Variants in ARHGEF18 observed in about 807,000 individuals in gnomAD.
ARHGEF18 encodes the protein rho guanine nucleotide exchange factor 18.
ARHGEF18 carries 93 observed loss-of-function variants against 155.7 expected under a neutral mutation model. The ratio of observed to expected loss-of-function variants is 0.60; its 90% CI spans 0.50 to 0.71. The LOEUF (loss-of-function observed/expected upper bound fraction) is 0.71, where lower values mean the gene tolerates loss of function less well. ARHGEF18 is among the 30% of genes least tolerant of loss of function. The probability of loss-of-function intolerance (pLI) is 0.00; values close to 1 mark genes in which losing one functional copy is unlikely to be tolerated. For synonymous variants in ARHGEF18, 742 were observed against 753.1 expected, an observed-to-expected ratio of 0.99 and a Z score of 0.24; for missense variants, 1,593 against 1,816.1, an observed-to-expected ratio of 0.88 and a Z score of 2.23.
At chr19:7,349,692 G>C (rs1003514346) in intron 1 of ARHGEF18, among the ~76,000 whole-genome samples, 2 of 151,950 alleles carry the variant, frequency 1.3e-5, no homozygotes, top group Non-Finnish European at 2.9e-5. Flanking sequence ...GCAGGAGAAT[G>C]GCTTGAACCC....
At chr19:7,362,453 T>C (rs956845757) in intron 1 of ARHGEF18, among the ~76,000 whole-genome samples, 5 of 152,124 alleles carry the variant, frequency 3.3e-5, no homozygotes. Context: ...GCATAACAAA[T>C]TGATTTCATA....
chr19:7,378,833 C>T (rs1049337951), intron 6 of ARHGEF18, among the ~76,000 whole-genome samples: 10 of 151,950 alleles, frequency 6.6e-5, no homozygotes, highest in African/African-American at 2.2e-4. Flanking sequence ...ACTGGGACTA[C>T]AGGCGCCCGC....
At chr19:7,459,558 A>T (rs1976065387) in intron 19 of ARHGEF18, among the ~76,000 whole-genome samples, 1 of 152,082 alleles carries the variant, frequency 6.6e-6, no homozygotes, top group Non-Finnish European at 1.5e-5. Flanking sequence ...CTGGTGCCTT[A>T]ATCTGGTTCA....
At position 7,363,031 on chromosome 19, in the gene ARHGEF18, T is replaced by C. The variant is rs1969696500; in HGVS notation, c.15+126T>C. On this transcript the variant is annotated intron_variant, in intron 2 of 28. Coordinates refer to ENST00000668164, the MANE Select transcript of ARHGEF18 (RefSeq NM_001367823.1). ...TATCTCAGGGAATCCTCATCGAAAC[T>C]TGCAAAGTCATTTATTATCCTGTTT... The C allele has an allele frequency of 3.6e-6, 4 of 1,117,202 alleles. No individual in the cohort carries two copies. The South Asian group carries it at 1.4e-4, about 38-fold the overall frequency. 69.2% of individuals were successfully genotyped at this position (1,117,202 alleles called of 1,614,324 possible). A position where few individuals can be genotyped will look rare whatever the true frequency, so the allele number is the denominator to read the frequency against.
rs3997572 is a variant in ARHGEF18 at position 7,407,064 on chromosome 19, C to CAA, written c.967+23879_967+23880dup. The stretch of plus-strand genomic sequence containing the variant: ...TGGGCGACAAGGCAAGACTCCGTCT[C>CAA]AAAAAAAAAAAAAAAAAAAGGTTAT... On this transcript the variant is annotated intron_variant, in intron 10 of 28. Coordinates refer to ENST00000668164, the MANE Select transcript of ARHGEF18 (RefSeq NM_001367823.1). 6.9e-3 allele frequency among the ~76,000 whole-genome samples: 385 copies of CAA among 55,706 alleles called. 23 individuals are homozygous for CAA. The East Asian group carries it at 0.13, about 19-fold the overall frequency. The allele number at this position is 55,706 out of a possible 152,430, so 36.5% of individuals were successfully genotyped here.
chr19:7,366,576 C>G (rs1969894951), intron 2 of ARHGEF18, among the ~76,000 whole-genome samples: 1 of 152,138 alleles, frequency 6.6e-6, no homozygotes, highest in Admixed American at 6.6e-5. Context: ...ATCTGTTCCC[C>G]CTCAGATCTT....
At position 7,462,331 on chromosome 19, in the gene ARHGEF18, G is replaced by A. The variant is rs541017040; in HGVS notation, c.2632G>A (p.Glu878Lys). The A allele has an allele frequency of 2.6e-5, 41 of 1,587,556 alleles. No individual in the cohort carries two copies. Among genetic ancestry groups the A allele is most frequent in the South Asian group, 1.0e-4 (9 of 86,406 alleles). The change falls in exon 21 of 29, where the codon GAG becomes AAG. Residue 878 changes from glutamate (E) to lysine (K), a missense_variant. Glu to Lys is a moderately conservative substitution (Grantham distance 56, BLOSUM62 1). Transcript: ENST00000668164. This position sits in a 1 kb window ranked among gnomAD's most constrained non-coding sequence, Gnocchi z 4.4. The stretch of plus-strand genomic sequence containing the variant: ...GCTAATTCTCAAGTCGGCCATGAGC[G>A]AGAGTAAGTTGGCTGCCCACACCTC... ...GELILKSAMS[E>K]IEGIQSLICR... is the part of the protein sequence containing the mutation.
rs151337455 is a variant in ARHGEF18, at chr19:7,358,215, T to TTCCATCCATCCATCCATCCA, written c.-110-4557_-110-4538dup. On this transcript the variant is annotated intron_variant, in intron 1 of 28. Coordinates refer to ENST00000668164, the MANE Select transcript of ARHGEF18 (RefSeq NM_001367823.1). ...CAGCCAACTCTTCAACCATCCATCC[T>TTCCATCCATCCATCCATCCA]TCCATCCATCCATCCATCCATCCAT... is the stretch of plus-strand genomic sequence containing the variant. Among the ~76,000 whole-genome samples the TTCCATCCATCCATCCATCCA allele has an allele frequency of 3.0e-3, 424 of 142,852 alleles. 12 individuals carry two copies. Among genetic ancestry groups the TTCCATCCATCCATCCATCCA allele is most frequent in the Admixed American group, 3.7e-3 (53 of 14,374 alleles). The allele number at this position is 142,852 out of a possible 152,430, so 93.7% of individuals were successfully genotyped here. A position where few individuals can be genotyped will look rare whatever the true frequency, so the allele number is the denominator to read the frequency against.
chr19:7,422,710 A>G (rs1377228820), intron 10 of ARHGEF18, among the ~76,000 whole-genome samples: 4 of 137,448 alleles, frequency 2.9e-5, no homozygotes, highest in African/African-American at 5.3e-5. Flanking sequence ...ATGTGTTCTA[A>G]CTTTTCTTTT....
At chr19:7,446,192 A>C (rs1974976388) in intron 14 of ARHGEF18, among the ~76,000 whole-genome samples, 1 of 151,908 alleles carries the variant, frequency 6.6e-6, no homozygotes, top group African/African-American at 2.4e-5. Context: ...TGAGGTTATG[A>C]GTTCAAGGCC....
At chr19:7,374,707 G>C (rs1244271795) in intron 3 of ARHGEF18, among the ~76,000 whole-genome samples, 1 of 151,748 alleles carries the variant, frequency 6.6e-6, no homozygotes, top group African/African-American at 2.4e-5. Context: ...AAAATCGACT[G>C]CATGCACACA....
intron 1 of ARHGEF18, among the ~76,000 whole-genome samples, chr19:7,354,914 C>A (rs916293378): frequency 6.6e-6 from 1 of 151,718 alleles, no homozygotes; most frequent in Non-Finnish European, 1.5e-5. Context: ...TAACAAACAA[C>A]AAACAAAAAA....
intron 16 of ARHGEF18, 127 bp downstream of exon 16, chr19:7,451,393 G>T (rs1041601851): frequency 2.9e-6 from 2 of 694,828 alleles, no homozygotes. Flanking sequence ...GCTGGGTGCT[G>T]GGGTTCCTTC....
Position 7,467,228 on chromosome 19 carries a change from C to A in ARHGEF18, c.3024C>A (p.His1008Gln). 4 of 1,587,222 alleles carry A rather than the reference C, an allele frequency of 2.5e-6. No individual in the cohort carries two copies. Among genetic ancestry groups the A allele is most frequent in the Non-Finnish European group, 3.4e-6 (4 of 1,164,464 alleles). Reference protein sequence around the residue: ...LLLNLQAVIAHQDSYVETQRA... With the variant: ...LLLNLQAVIAQQDSYVETQRA... ...GCCCTCCGCAGGCGGTAATCGCCCACCAGGACAGCTATGTGGAGACGCAGC... is the reference window on the plus strand; with the variant it reads ...GCCCTCCGCAGGCGGTAATCGCCCAACAGGACAGCTATGTGGAGACGCAGC... The change falls in exon 26 of 29, where the codon CAC becomes CAA. Residue 1008 changes from histidine to glutamine, a missense_variant. Coordinates refer to ENST00000668164, the MANE Select transcript of ARHGEF18 (RefSeq NM_001367823.1).
chr19:7,353,088 G>A (rs906592399), intron 1 of ARHGEF18, among the ~76,000 whole-genome samples: 7 of 151,312 alleles, frequency 4.6e-5, no homozygotes, highest in Non-Finnish European at 8.8e-5. Context: ...TGCCCACCTC[G>A]GCTTCCCAAA....
At chr19:7,438,364 C>G (rs8106516) in intron 10 of ARHGEF18, among the ~76,000 whole-genome samples, 60,676 of 150,656 alleles carry the variant, frequency 0.4, 12,838 homozygotes, top group East Asian at 0.59. Context: ...ACCTCCCAAA[C>G]TGCTAGGATT....
At chr19:7,473,552 G>C (rs142993417), downstream of ARHGEF18, among the ~76,000 whole-genome samples, 39 of 151,474 alleles carry the variant, frequency 2.6e-4, no homozygotes, top group South Asian at 6.3e-4. Flanking sequence ...TGGCTCACGC[G>C]TGTAATCCCA....
In ARHGEF18 at chr19:7,463,973, TC is replaced by T; in HGVS notation, c.2773+22del. 1 of 1,560,578 alleles carries T rather than the reference TC, an allele frequency of 6.4e-7. No homozygotes were observed. The highest frequency in any genetic ancestry group is 8.7e-7 in the Non-Finnish European group (1 of 1,152,270). ...CACCAAGAGTAAGAGCGGGGCCGTC[TC>T]CCCTCCTGCCTCCAGGGCCGCCCCT... is the stretch of plus-strand genomic sequence containing the variant. On this transcript the variant is annotated intron_variant, in intron 22 of 28. Coordinates refer to ENST00000668164, the MANE Select transcript of ARHGEF18 (RefSeq NM_001367823.1). This position sits in a 1 kb window ranked among gnomAD's most constrained non-coding sequence, Gnocchi z 5.2.
At position 7,375,645 on chromosome 19, in the gene ARHGEF18, C is replaced by G. The variant is rs78541251; in HGVS notation, c.276-75C>G. On this transcript the variant is annotated intron_variant, in intron 3 of 28. Coordinates refer to ENST00000668164, the MANE Select transcript of ARHGEF18 (RefSeq NM_001367823.1). ...GGGCCCCCTTGCATGTTCTTTCAAG[C>G]CCCCCTGGATGCCTGGGGCAGCAGC... The G allele has an allele frequency of 2.5e-3, 3,100 of 1,221,584 alleles. 51 individuals are homozygous for G. The African/African-American group carries it at 0.039, about 15-fold the overall frequency. The allele number at this position is 1,221,584 out of a possible 1,614,324, so 75.7% of individuals were successfully genotyped here. A position where few individuals can be genotyped will look rare whatever the true frequency, so the allele number is the denominator to read the frequency against.
Sources: gnomAD v4.1 joint callset for allele counts (sites outside exome capture counted in the v4.1 genomes callset) on GRCh38, gnomAD v4.1.1 for gene constraint, Gnocchi (gnomAD v3.1) non-coding constraint, MANE v1.5 for transcripts, NCBI Gene and HGNC (gene_info 2026-07-23, HGNC 2026-07-21) for gene names.